The following PLCH1 variants were observed in gnomAD, a reference collection of about 807,000 sequenced individuals.
The protein encoded by PLCH1 is 1-phosphatidylinositol 4,5-bisphosphate phosphodiesterase eta-1.
Under a neutral mutation model 126.7 loss-of-function variants are expected in PLCH1, and 60 were observed. The observed-to-expected ratio is 0.47, with a 90% CI of 0.38 to 0.59. The LOEUF (loss-of-function observed/expected upper bound fraction) is 0.59, where lower values mean the gene tolerates loss of function less well. Ranked by LOEUF, PLCH1 falls within the 20% of genes least tolerant of loss-of-function variation. PLCH1 has a pLI of 0.00. For missense variants in PLCH1, 1,723 were observed against 2,040.0 expected (o/e 0.84, Z 2.99); for synonymous variants, 719 against 734.9 (o/e 0.98, Z 0.35).
At chr3:155,737,549 T>A (rs1373640091) in intron 1 of PLCH1, among the ~76,000 whole-genome samples, 1 of 152,074 alleles carries the variant, frequency 6.6e-6, no homozygotes, top group Non-Finnish European at 1.5e-5. Context: ...CCCTCAAATA[T>A]AAATTAAAAA....
chr3:155,607,585 T>TG (rs1315044168), intron 2 of PLCH1, among the ~76,000 whole-genome samples: 1 of 151,696 alleles, frequency 6.6e-6, no homozygotes, highest in African/African-American at 2.4e-5. Context: ...GGAGTAGAGG[T>TG]GCATGCCACC....
chr3:155,722,183 G>A (rs1393164017), intron 1 of PLCH1, among the ~76,000 whole-genome samples: 1 of 151,584 alleles, frequency 6.6e-6, no homozygotes, highest in Non-Finnish European at 1.5e-5. Flanking sequence ...TTCTTTTTGA[G>A]ATGGAGTTTC....
At chr3:155,641,194 TAA>T (rs567719881) in intron 2 of PLCH1, among the ~76,000 whole-genome samples, 11 of 142,752 alleles carry the variant, frequency 7.7e-5, no homozygotes, top group Admixed American at 7.0e-5. Flanking sequence ...TTTTCAACGT[TAA>T]AAAAAAAAAA....
At position 155,523,992 on chromosome 3, in the gene PLCH1, G is replaced by T; in HGVS notation, c.1375C>A (p.Pro459Thr). The T allele has an allele frequency of 1.3e-6, 2 of 1,584,948 alleles. No individual in the cohort carries two copies. The highest frequency in any genetic ancestry group is 1.7e-6 in the Non-Finnish European group (2 of 1,155,628). ...TCTGCATCATCCCCAAGGTGATAAG[G>T]CAACTTCTTACCCTGAAATGGAACA... ...GKILVKGKKL[P>T]YHLGDDAEEG... The change falls in exon 11 of 23, where the codon CCT becomes ACT. Residue 459 changes from proline (P) to threonine (T), a missense_variant. This residue lies in a region of PLCH1 where 776 missense variants were observed against 1,062.9 expected (regional missense o/e 0.73). Coordinates refer to ENST00000460012, the MANE Select transcript of PLCH1 (RefSeq NM_014996.4).
intron 11 of PLCH1, among the ~76,000 whole-genome samples, chr3:155,521,161 A>C (rs558384678): frequency 6.6e-6 from 1 of 152,264 alleles, no homozygotes; most frequent in African/African-American, 2.4e-5. Flanking sequence ...TTACATATAC[A>C]CATGCATAAG....
At chr3:155,634,352 T>C (rs1365759400) in intron 2 of PLCH1, among the ~76,000 whole-genome samples, 3 of 152,080 alleles carry the variant, frequency 2.0e-5, no homozygotes, top group Non-Finnish European at 2.9e-5. Flanking sequence ...AACCATCAAA[T>C]GAGGAATAAG....
intron 10 of PLCH1, among the ~76,000 whole-genome samples, chr3:155,526,723 G>A (rs1460403762): frequency 6.6e-6 from 1 of 152,158 alleles, no homozygotes; most frequent in Non-Finnish European, 1.5e-5. Flanking sequence ...AGCCTCAAGA[G>A]AGACCCTGAG....
intron 10 of PLCH1, among the ~76,000 whole-genome samples, chr3:155,531,111 T>C (rs1560119463): frequency 6.6e-6 from 1 of 152,096 alleles, no homozygotes; most frequent in African/African-American, 2.4e-5. Context: ...TGTTATTCCA[T>C]TTACACAGTG....
chr3:155,482,663 A>G lies in PLCH1; in HGVS notation c.3363T>C (p.Ser1121=). The G allele has an allele frequency of 6.2e-7, 1 of 1,614,192 alleles. No individual in the cohort carries two copies. Among genetic ancestry groups the G allele is most frequent in the Non-Finnish European group, 8.5e-7 (1 of 1,180,038 alleles). Residue 1121 remains serine, a synonymous_variant, in exon 23 of 23, where the codon TCT becomes TCC. Transcript: ENST00000460012. ...GGTTCTTAATTTCTAGGTTGCTATGAGAAAGGACGCTTCCTGACAAGATGC... is the reference window on the plus strand; with the variant it reads ...GGTTCTTAATTTCTAGGTTGCTATGGGAAAGGACGCTTCCTGACAAGATGC... The part of the protein sequence containing the change: ...GKSILSGSVL[S]HSNLEIKNLE...
chr3:155,550,723 A>T (rs1156239609), intron 9 of PLCH1, among the ~76,000 whole-genome samples: 1 of 152,184 alleles, frequency 6.6e-6, no homozygotes, highest in Non-Finnish European at 1.5e-5. Context: ...ATTCAGGTTC[A>T]TTGACTTTTT....
chr3:155,676,887 G>T (rs1390922935), intron 2 of PLCH1, among the ~76,000 whole-genome samples: 1 of 152,078 alleles, frequency 6.6e-6, no homozygotes, highest in African/African-American at 2.4e-5. Flanking sequence ...TAGACAGCAT[G>T]AATGGGTCTA....
rs370205187 is a variant in PLCH1, at chr3:155,596,267, C to T, written c.191G>A (p.Arg64Gln). The T allele has an allele frequency of 2.7e-5, 44 of 1,613,424 alleles. No homozygotes were observed. The highest frequency in any genetic ancestry group is 3.4e-5 in the Non-Finnish European group (40 of 1,179,572). Residue 64 changes from arginine to glutamine, a missense_variant, in exon 3 of 23, where the codon CGA (arginine) becomes CAA (glutamine). Physicochemically the swap from Arg to Gln is conservative, Grantham distance 43 (BLOSUM62 1). Coordinates refer to ENST00000460012, the MANE Select transcript of PLCH1 (RefSeq NM_014996.4). Reference sequence around the variant, plus strand: ...CTCACTCTTCCTAGAGGGTCGCCATCGGAGGCGTGTCCGGTGCTCATCCAG... The same window carrying T: ...CTCACTCTTCCTAGAGGGTCGCCATTGGAGGCGTGTCCGGTGCTCATCCAG... ...FYLDEHRTRLRWRPSRKSEKA... is the reference protein window; with the variant it reads ...FYLDEHRTRLQWRPSRKSEKA...
intron 1 of PLCH1, among the ~76,000 whole-genome samples, chr3:155,732,053 T>C (rs1368856470): frequency 7.1e-6 from 1 of 141,358 alleles, no homozygotes; most frequent in Non-Finnish European, 1.5e-5. Flanking sequence ...AAAACACTAC[T>C]AACCAACTCT....
intron 4 of PLCH1, among the ~76,000 whole-genome samples, chr3:155,588,052 T>C (rs1280016822): frequency 1.3e-5 from 2 of 152,176 alleles, no homozygotes; most frequent in Non-Finnish European, 2.9e-5. Flanking sequence ...ATATTTCCAT[T>C]TCTATGCGAT....
intron 2 of PLCH1, among the ~76,000 whole-genome samples, chr3:155,616,070 T>C (rs893858254): frequency 5.9e-5 from 9 of 152,164 alleles, no homozygotes; most frequent in Non-Finnish European, 1.2e-4. Flanking sequence ...CCTAGAGACA[T>C]TTGGAGTTAG....
At chr3:155,501,926 A>C (rs547333366) in intron 13 of PLCH1, among the ~76,000 whole-genome samples, 1 of 152,342 alleles carries the variant, frequency 6.6e-6, no homozygotes, top group East Asian at 1.9e-4. Context: ...GGACATCAGG[A>C]ATGTGGCTTA....
At chr3:155,666,065 G>A (rs189466012) in intron 2 of PLCH1, among the ~76,000 whole-genome samples, 2 of 152,286 alleles carry the variant, frequency 1.3e-5, no homozygotes, top group Admixed American at 6.5e-5. Flanking sequence ...TTGTCTACTA[G>A]TATATATTTA....
intron 2 of PLCH1, among the ~76,000 whole-genome samples, chr3:155,610,069 G>A (rs1412125379): frequency 6.6e-6 from 1 of 152,022 alleles, no homozygotes; most frequent in Non-Finnish European, 1.5e-5. Flanking sequence ...ACTGCAAAAA[G>A]ACCATCACCA....
intron 7 of PLCH1, among the ~76,000 whole-genome samples, chr3:155,565,323 T>C (rs1728196465): frequency 6.6e-6 from 1 of 152,174 alleles, no homozygotes; most frequent in Non-Finnish European, 1.5e-5. Context: ...AAATCTCATG[T>C]TGAAATATAA....
Sources: gnomAD v4.1 joint callset for allele counts (sites outside exome capture counted in the v4.1 genomes callset) on GRCh38, gnomAD v4.1.1 for gene constraint, gnomAD v4.1.1 regional missense constraint, MANE v1.5 for transcripts, NCBI Gene and HGNC (gene_info 2026-07-23, HGNC 2026-07-21) for gene names.